Variants in STARD9 observed in about 807,000 individuals in gnomAD.
STARD9 encodes StAR related lipid transfer domain containing 9.
STARD9 carries 346 observed loss-of-function variants against 399.8 expected under a neutral mutation model. The ratio of observed to expected loss-of-function variants is 0.87; its 90% CI spans 0.79 to 0.95. The LOEUF (loss-of-function observed/expected upper bound fraction) is 0.95. Among genes scored for constraint, STARD9 ranks in the 40% least tolerant of loss-of-function variants. The pLI is 0.00. For synonymous variants in STARD9, 2,203 were observed against 2,143.5 expected (o/e 1.03, Z -0.77); for missense variants, 5,832 against 5,667.5 (o/e 1.03, Z -0.93).
intron 9 of STARD9, among the ~76,000 whole-genome samples, chr15:42,657,013 A>C (rs193042628): frequency 6.6e-6 from 1 of 152,154 alleles, no homozygotes; most frequent in East Asian, 1.9e-4. Context: ...TGAAATTTTT[A>C]AAAAAGTAAG....
chr15:42,583,540 A>G, intron 2 of STARD9, 125 bp downstream of exon 2: 1 of 628,286 alleles, frequency 1.6e-6, no homozygotes, highest in Non-Finnish European at 2.7e-6. Flanking sequence ...TATAAGAGGA[A>G]TAGGGGGAGG....
At chr15:42,586,504 T>C (rs2058280434) in intron 3 of STARD9, among the ~76,000 whole-genome samples, 1 of 152,192 alleles carries the variant, frequency 6.6e-6, no homozygotes, top group South Asian at 2.1e-4. Context: ...GTTTGAGCAC[T>C]GTTAAAGGCC....
At chr15:42,656,218 G>T (rs901072656) in intron 9 of STARD9, among the ~76,000 whole-genome samples, 1 of 150,892 alleles carries the variant, frequency 6.6e-6, no homozygotes, top group Non-Finnish European at 1.5e-5. Flanking sequence ...TTGCTGTTGC[G>T]CTCCTGTAGT....
chr15:42,577,600 A>G (rs1397716115), intron 1 of STARD9, among the ~76,000 whole-genome samples: 2 of 152,240 alleles, frequency 1.3e-5, no homozygotes. Context: ...TCAAGTTAAG[A>G]GCCTTGAGCA....
intron 28 of STARD9, among the ~76,000 whole-genome samples, chr15:42,717,375 C>T (rs2061369951): frequency 6.6e-6 from 1 of 152,030 alleles, no homozygotes; most frequent in Non-Finnish European, 1.5e-5. Context: ...GTAGTCTCAG[C>T]ACTTTGGGAG....
At position 42,684,392 on chromosome 15, in the gene STARD9, T is replaced by C; in HGVS notation, c.2814T>C (p.Val938=). Residue 938 remains valine (V), a synonymous_variant, in exon 23 of 33, where the codon GTT becomes GTC. Transcript: ENST00000290607. ...SVGIQEMEMG[V]KQPHQMVSQG... The stretch of plus-strand genomic sequence containing the variant: ...GCATCCAGGAAATGGAGATGGGGGT[T>C]AAGCAGCCCCATCAGATGGTGAGCC... 5 of 1,537,160 alleles carry C rather than the reference T, an allele frequency of 3.3e-6. No individual in the cohort carries two copies. The highest frequency in any genetic ancestry group is 4.4e-6 in the Non-Finnish European group (5 of 1,146,902).
intron 17 of STARD9, 43 bp from the exon 18 acceptor site, chr15:42,674,784 C>T: frequency 6.7e-7 from 1 of 1,488,896 alleles, no homozygotes; most frequent in Non-Finnish European, 8.9e-7. Context: ...GGGTGTTTCC[C>T]TGCATCGTCC....
chr15:42,710,230 T>C (rs924007265), intron 26 of STARD9, among the ~76,000 whole-genome samples: 14 of 151,142 alleles, frequency 9.3e-5, no homozygotes, highest in African/African-American at 3.5e-4. Context: ...CGGGTACTTT[T>C]GTATTTTTGT....
chr15:42,669,161 G>C lies in STARD9; in HGVS notation c.1321G>C (p.Asp441His), dbSNP rs1057314377. The C allele has an allele frequency of 2.0e-6, 3 of 1,532,472 alleles. No homozygotes were observed. The African/African-American group carries it at 4.1e-5, about 21-fold the overall frequency. 94.9% of individuals were successfully genotyped at this position (1,532,472 alleles called of 1,614,324 possible). A position where few individuals can be genotyped will look rare whatever the true frequency, so the allele number is the denominator to read the frequency against. ...ATCACCTCCTATACCTCTGCAGATA[G>C]ACCAGCTGACTAAAGACTGGACCCA... ...ELVLQNELKIDQLTKDWTQKW... is the reference protein window; with the variant it reads ...ELVLQNELKIHQLTKDWTQKW... The change falls in exon 16 of 33, where the codon GAC (aspartate) becomes CAC (histidine). Residue 441 changes from aspartate to histidine, a missense_variant. By Grantham distance (81) the Asp-to-His change is moderately conservative. Transcript: ENST00000290607.
chr15:42,705,090 G>T (rs567678812), intron 26 of STARD9, among the ~76,000 whole-genome samples: 12 of 152,294 alleles, frequency 7.9e-5, no homozygotes, highest in South Asian at 2.1e-4. Flanking sequence ...AGGCTGTGGG[G>T]TTTTTTCTGG....
intron 13 of STARD9, 119 bp from the exon 14 acceptor site, chr15:42,665,134 C>T (rs2060069255): frequency 2.7e-6 from 2 of 736,506 alleles, no homozygotes; most frequent in South Asian, 3.5e-5. Context: ...TTGAGAATGA[C>T]TGCTGTAGAG....
chr15:42,679,758 A>G (rs1397280795), intron 20 of STARD9, among the ~76,000 whole-genome samples: 1 of 152,230 alleles, frequency 6.6e-6, no homozygotes, highest in Non-Finnish European at 1.5e-5. Flanking sequence ...CAGTACGTAA[A>G]TAAATGGGTG....
intron 16 of STARD9, chr15:42,673,097 C>CAA (rs372408591): frequency 6.8e-5 from 7 of 102,968 alleles, no homozygotes; most frequent in Non-Finnish European, 8.0e-5. Flanking sequence ...GACTCCATCT[C>CAA]AAAAAAAAAA....
At chr15:42,616,909 A>T (rs989558194) in intron 3 of STARD9, among the ~76,000 whole-genome samples, 1 of 150,928 alleles carries the variant, frequency 6.6e-6, no homozygotes. Flanking sequence ...AAAAAAAAAA[A>T]TACAAAAAGA....
At chr15:42,641,515 C>G (rs1033036112) in intron 7 of STARD9, among the ~76,000 whole-genome samples, 2 of 145,000 alleles carry the variant, frequency 1.4e-5, no homozygotes, top group African/African-American at 5.0e-5. Context: ...TCCCTCCCCC[C>G]ACCCCACAAC....
intron 22 of STARD9, 135 bp from the exon 23 acceptor site, chr15:42,683,981 T>G: frequency 1.0e-6 from 1 of 957,632 alleles, no homozygotes; most frequent in Non-Finnish European, 1.5e-6. Flanking sequence ...ACAATTTCCT[T>G]TTATACCTGG....
chr15:42,635,311 G>T (rs980634109), intron 4 of STARD9, among the ~76,000 whole-genome samples: 1 of 151,286 alleles, frequency 6.6e-6, no homozygotes, highest in Admixed American at 6.6e-5. Context: ...GGTAACCTTT[G>T]AATAATTAAC....
rs61732534 is a variant in STARD9, at chr15:42,693,675, C to T, written c.12097C>T (p.Pro4033Ser). Residue 4033 changes from proline to serine, a missense_variant, in exon 23 of 33, where the codon CCT (proline) becomes TCT (serine). Physicochemically the swap from Pro to Ser is moderately conservative, Grantham distance 74. This residue lies in a region of STARD9 where 5,828 missense variants were observed against 5,651.1 expected (regional missense o/e 1.03). Coordinates refer to ENST00000290607, the MANE Select transcript of STARD9 (RefSeq NM_020759.3). ...RSQRLGNSFV[P>S]EKVASPEHCP... ...CCAAAGGCTGGGCAACAGCTTTGTG[C>T]CTGAGAAGGTGGCTTCCCCGGAGCA... 3,902 of 1,537,216 alleles carry T rather than the reference C, an allele frequency of 2.5e-3. 7 individuals are homozygous for T. The highest frequency in any genetic ancestry group is 3.2e-3 in the Non-Finnish European group (3,630 of 1,146,918).
intron 3 of STARD9, among the ~76,000 whole-genome samples, chr15:42,587,932 T>C (rs1301247881): frequency 6.6e-6 from 1 of 152,170 alleles, no homozygotes; most frequent in Non-Finnish European, 1.5e-5. Flanking sequence ...TTTGTAACCA[T>C]TCCCTTGAGC....
Sources: allele counts gnomAD v4.1 joint callset (sites outside exome capture counted in the v4.1 genomes callset), GRCh38; gene constraint gnomAD v4.1.1; regional missense constraint gnomAD v4.1.1; transcripts MANE v1.5; gene names NCBI Gene and HGNC (gene_info 2026-07-23, HGNC 2026-07-21).